The following HTATIP2 variants were observed in gnomAD, a reference collection of about 807,000 sequenced individuals.
HTATIP2 encodes the protein HIV-1 Tat interactive protein 2.
HTATIP2 carries 26 observed loss-of-function variants against 24.7 expected under a neutral mutation model. The ratio of observed to expected loss-of-function variants is 1.05; its 90% CI spans 0.77 to 1.46. The LOEUF is 1.46. HTATIP2 is among the 40% of genes most tolerant of loss of function. The probability of loss-of-function intolerance (pLI) is 0.00; values close to 1 mark genes in which losing one functional copy is unlikely to be tolerated. For synonymous variants in HTATIP2, 99 were observed against 113.2 expected, an observed-to-expected ratio of 0.87 and a Z score of 0.79; for missense variants, 284 against 289.6, an observed-to-expected ratio of 0.98 and a Z score of 0.14.
intron 2 of HTATIP2, among the ~76,000 whole-genome samples, chr11:20,368,419 GCCTATCT>G (rs2064736496): frequency 6.6e-6 from 1 of 152,164 alleles, no homozygotes; most frequent in African/African-American, 2.4e-5. Context: ...CTGCAGTTCT[GCCTATCT>G]GTCCTGGAAC....
At position 20,363,859 on chromosome 11, in the gene HTATIP2, G is replaced by A; in HGVS notation, c.-379G>A. 1 of 1,244,948 alleles carries A rather than the reference G, an allele frequency of 8.0e-7. No individual in the cohort carries two copies. Among genetic ancestry groups the A allele is most frequent in the Admixed American group, 4.2e-5 (1 of 23,748 alleles). The allele number at this position is 1,244,948 out of a possible 1,614,324, so 77.1% of individuals were successfully genotyped here. On this transcript the variant is annotated 5_prime_UTR_variant, in exon 1 of 5. Coordinates refer to ENST00000451739, the MANE Select transcript of HTATIP2 (RefSeq NM_001098522.2). ...GCGCGGCGGCGGCGGCTGCTCTGGC[G>A]GCCGCCCTGCTCCTGCTGCGTCGTG...
Position 20,383,222 on chromosome 11 carries a change from G to A in HTATIP2, c.*17G>A, listed in dbSNP as rs762187614. Reference sequence around the variant, plus strand: ...AAGCCATGACCACATTGGAGAAATGGTTTTTATTGTCAACCTTAACACCCA... The same window carrying A: ...AAGCCATGACCACATTGGAGAAATGATTTTTATTGTCAACCTTAACACCCA... On this transcript the variant is annotated 3_prime_UTR_variant, in exon 5 of 5. Coordinates refer to ENST00000451739, the MANE Select transcript of HTATIP2 (RefSeq NM_001098522.2). The A allele has an allele frequency of 6.3e-7, 1 of 1,588,224 alleles. No individual in the cohort carries two copies. The highest frequency in any genetic ancestry group is 8.6e-7 in the Non-Finnish European group (1 of 1,159,098).
At chr11:20,380,487 A>G (rs1037479875) in intron 3 of HTATIP2, among the ~76,000 whole-genome samples, 2 of 152,114 alleles carry the variant, frequency 1.3e-5, no homozygotes, top group South Asian at 2.1e-4. Context: ...CCTGGCTAAC[A>G]CGGTGAAACC....
At position 20,363,958 on chromosome 11, in the gene HTATIP2, C is replaced by A. The variant is rs759526872; in HGVS notation, c.-280C>A. 5 of 1,243,074 alleles carry A rather than the reference C, an allele frequency of 4.0e-6. No individual in the cohort carries two copies. In the South Asian group the frequency reaches 1.5e-4, roughly 38 times the overall value. The allele number at this position is 1,243,074 out of a possible 1,614,324, so 77.0% of individuals were successfully genotyped here. ...ACCGAGCTGGGCCAGGTCTCCTGGCCGGGCCGGGGATACCGTGGGGTATGC... is the reference window on the plus strand; with the variant it reads ...ACCGAGCTGGGCCAGGTCTCCTGGCAGGGCCGGGGATACCGTGGGGTATGC... On this transcript the variant is annotated 5_prime_UTR_variant, in exon 1 of 5. Transcript: ENST00000451739.
chr11:20,363,846 C>T lies in HTATIP2; in HGVS notation c.-392C>T, dbSNP rs2064660878. The T allele has an allele frequency of 1.4e-5, 17 of 1,245,008 alleles. No individual in the cohort carries two copies. Among genetic ancestry groups the T allele is most frequent in the Non-Finnish European group, 1.5e-5 (15 of 991,098 alleles). 77.1% of individuals were successfully genotyped at this position (1,245,008 alleles called of 1,614,324 possible). A position where few individuals can be genotyped will look rare whatever the true frequency, so the allele number is the denominator to read the frequency against. ...CCTGCGGCGCTGAGCGCGGCGGCGG[C>T]GGCTGCTCTGGCGGCCGCCCTGCTC... On this transcript the variant is annotated 5_prime_UTR_variant, in exon 1 of 5. Coordinates refer to ENST00000451739, the MANE Select transcript of HTATIP2 (RefSeq NM_001098522.2).
intron 2 of HTATIP2, among the ~76,000 whole-genome samples, chr11:20,374,474 T>G (rs1176372154): frequency 6.6e-6 from 1 of 152,192 alleles, no homozygotes; most frequent in Non-Finnish European, 1.5e-5. Flanking sequence ...ACCATTTCCA[T>G]ACGTTTTTCA....
chr11:20,382,618 T>G (rs1012657912), intron 4 of HTATIP2, among the ~76,000 whole-genome samples: 1 of 152,122 alleles, frequency 6.6e-6, no homozygotes, highest in African/African-American at 2.4e-5. Flanking sequence ...AAGATCAAGG[T>G]GCCCTCAGGG....
intron 3 of HTATIP2, among the ~76,000 whole-genome samples, chr11:20,377,653 C>T (rs1197913105): frequency 1.3e-5 from 2 of 152,204 alleles, no homozygotes; most frequent in Non-Finnish European, 2.9e-5. Context: ...AGAAGTTCAT[C>T]TCCTTTCTGC....
In HTATIP2 at chr11:20,383,077, G is replaced by T. The variant is rs774019635; in HGVS notation, c.601G>T (p.Val201Leu). ...LPDSWASGHS[V>L]PVVTVVRAML... ...AGACTCTTGGGCCAGTGGGCATTCT[G>T]TGCCTGTGGTGACCGTGGTTAGAGC... is the stretch of plus-strand genomic sequence containing the variant. The change falls in exon 5 of 5, where the codon GTG (valine) becomes TTG (leucine). Residue 201 changes from valine (V) to leucine (L), a missense_variant. Physicochemically the swap from Val to Leu is conservative, Grantham distance 32 (BLOSUM62 1). Transcript: ENST00000451739. 3 of 1,613,720 alleles carry T rather than the reference G, an allele frequency of 1.9e-6. No individual in the cohort carries two copies. The highest frequency in any genetic ancestry group is 3.3e-5 in the Admixed American group (2 of 59,948).
At chr11:20,380,307 A>G (rs1314207004) in intron 3 of HTATIP2, among the ~76,000 whole-genome samples, 1 of 152,232 alleles carries the variant, frequency 6.6e-6, no homozygotes, top group Non-Finnish European at 1.5e-5. Context: ...CTTTCTAAGG[A>G]TAGCAGTCTC....
intron 2 of HTATIP2, among the ~76,000 whole-genome samples, chr11:20,373,935 G>A (rs1388022427): frequency 6.6e-6 from 1 of 152,160 alleles, no homozygotes; most frequent in Non-Finnish European, 1.5e-5. Context: ...AGACAGCTTG[G>A]CAAGTCCGTT....
chr11:20,369,527 A>G (rs780181263), intron 2 of HTATIP2, among the ~76,000 whole-genome samples: 1 of 152,148 alleles, frequency 6.6e-6, no homozygotes, highest in Non-Finnish European at 1.5e-5. Flanking sequence ...ACAGTTCTGG[A>G]GGCTAGAAGT....
chr11:20,370,863 A>T (rs1393329732), intron 2 of HTATIP2, among the ~76,000 whole-genome samples: 2 of 152,224 alleles, frequency 1.3e-5, no homozygotes, highest in East Asian at 1.9e-4. Context: ...GTTAGCCAGG[A>T]TGGTCTCGAT....
At chr11:20,370,985 T>G (rs1444710944) in intron 2 of HTATIP2, among the ~76,000 whole-genome samples, 1 of 152,208 alleles carries the variant, frequency 6.6e-6, no homozygotes, top group Non-Finnish European at 1.5e-5. Flanking sequence ...AAAAGAATAA[T>G]GTCATACCAT....
Position 20,383,235 on chromosome 11 carries a change from A to G in HTATIP2, c.*30A>G, listed in dbSNP as rs1848549639. On this transcript the variant is annotated 3_prime_UTR_variant, in exon 5 of 5. Transcript: ENST00000451739. ...ATTGGAGAAATGGTTTTTATTGTCA[A>G]CCTTAACACCCATCACCAAATCGGT... 3 of 1,512,302 alleles carry G rather than the reference A, an allele frequency of 2.0e-6. No homozygotes were observed. The highest frequency in any genetic ancestry group is 2.7e-6 in the Non-Finnish European group (3 of 1,098,302). 93.7% of individuals were successfully genotyped at this position (1,512,302 alleles called of 1,614,324 possible). A position where few individuals can be genotyped will look rare whatever the true frequency, so the allele number is the denominator to read the frequency against.
intron 3 of HTATIP2, 67 bp from the exon 4 acceptor site, chr11:20,382,111 C>T (rs1848529236): frequency 4.3e-6 from 4 of 931,312 alleles, no homozygotes; most frequent in Non-Finnish European, 6.9e-6. Flanking sequence ...ACAAATTATT[C>T]TCTCTTAAAC....
At chr11:20,380,671 C>CAAAAAAAAAAAAAA (rs35392320) in intron 3 of HTATIP2, among the ~76,000 whole-genome samples, 1 of 81,880 alleles carries the variant, frequency 1.2e-5, no homozygotes, top group Non-Finnish European at 2.3e-5. Flanking sequence ...GACTCCATCT[C>CAAAAAAAAAAAAAA]AAAAAAAAAA....
intron 2 of HTATIP2, among the ~76,000 whole-genome samples, chr11:20,370,801 C>G (rs2064765115): frequency 6.6e-6 from 1 of 152,140 alleles, no homozygotes; most frequent in African/African-American, 2.4e-5. Context: ...AGGTGCCCAC[C>G]ACCATGCCCA....
intron 3 of HTATIP2, 126 bp from the exon 4 acceptor site, chr11:20,382,052 A>C (rs1848528336): frequency 1.7e-6 from 1 of 603,508 alleles, no homozygotes; most frequent in Admixed American, 3.1e-5. Context: ...AATTCTAGAT[A>C]AGGATATTTT....
Sources: gnomAD v4.1 joint callset for allele counts (sites outside exome capture counted in the v4.1 genomes callset) on GRCh38, gnomAD v4.1.1 for gene constraint, MANE v1.5 for transcripts, NCBI Gene and HGNC (gene_info 2026-07-23, HGNC 2026-07-21) for gene names.